Variants in BMPER observed in about 807,000 individuals in gnomAD.
BMPER encodes the protein BMP-binding endothelial regulator protein.
A neutral mutation model predicts 87.3 loss-of-function variants in BMPER; 45 were observed. The observed-to-expected ratio is 0.52, with a 90% CI of 0.41 to 0.66. BMPER has a LOEUF of 0.66. Ranked by LOEUF, BMPER falls within the 30% of genes least tolerant of loss-of-function variation. BMPER has a pLI of 0.00. For synonymous variants in BMPER, 326 were observed against 316.2 expected (o/e 1.03, Z -0.33); for missense variants, 784 against 867.5 (o/e 0.90, Z 1.21).
chr7:34,056,563 C>A (rs912834767), intron 9 of BMPER, among the ~76,000 whole-genome samples: 1 of 151,888 alleles, frequency 6.6e-6, no homozygotes, highest in Non-Finnish European at 1.5e-5. Flanking sequence ...CTCCAGAACA[C>A]CCAGATGAAA....
chr7:33,905,911 G>A (rs1170033194), intron 1 of BMPER, among the ~76,000 whole-genome samples, 165 bp downstream of exon 1: 1 of 152,236 alleles, frequency 6.6e-6, no homozygotes, highest in Non-Finnish European at 1.5e-5. Context: ...GGGCTGGGAA[G>A]GCTGGTGAAG....
intron 12 of BMPER, among the ~76,000 whole-genome samples, chr7:34,083,507 T>C (rs1357379101): frequency 6.6e-6 from 1 of 152,252 alleles, no homozygotes; most frequent in Non-Finnish European, 1.5e-5. Flanking sequence ...CCATTGACCA[T>C]ACAGTGATTT....
At chr7:33,978,436 G>C (rs1785750583) in intron 6 of BMPER, among the ~76,000 whole-genome samples, 2 of 152,220 alleles carry the variant, frequency 1.3e-5, no homozygotes, top group African/African-American at 4.8e-5. Flanking sequence ...TGTGACCAGA[G>C]CTTAGTCTTG....
intron 2 of BMPER, among the ~76,000 whole-genome samples, chr7:33,928,553 C>CCCTG (rs1784412421): frequency 6.7e-6 from 1 of 150,024 alleles, no homozygotes; most frequent in Non-Finnish European, 1.5e-5. Context: ...TTTGACACTG[C>CCCTG]CCTGTTTTAA....
chr7:34,056,429 C>T (rs1024806), intron 9 of BMPER, among the ~76,000 whole-genome samples: 146,464 of 152,152 alleles, frequency 0.96, 70,742 homozygotes, highest in East Asian at 1. Flanking sequence ...GAGAAAACAA[C>T]TGAGGACAAA....
chr7:33,943,307 C>G (rs1481777559), intron 3 of BMPER, among the ~76,000 whole-genome samples: 2 of 151,982 alleles, frequency 1.3e-5, no homozygotes, highest in African/African-American at 2.4e-5. Context: ...TTTGCTTTGG[C>G]CAAACTGCCC....
chr7:33,909,014 T>A (rs1300803105), intron 2 of BMPER, among the ~76,000 whole-genome samples: 1 of 152,196 alleles, frequency 6.6e-6, no homozygotes, highest in African/African-American at 2.4e-5. Context: ...CTACTTGGCA[T>A]TTTTGTACCT....
intron 6 of BMPER, among the ~76,000 whole-genome samples, chr7:34,003,180 TACAC>T (rs568097275): frequency 2.0e-5 from 3 of 151,438 alleles, no homozygotes; most frequent in Non-Finnish European, 4.4e-5. Flanking sequence ...TAAATGTGTG[TACAC>T]ACACACACAT....
At chr7:33,989,921 G>C (rs1273323991) in intron 6 of BMPER, among the ~76,000 whole-genome samples, 1 of 152,164 alleles carries the variant, frequency 6.6e-6, no homozygotes. Context: ...AGATCAGATA[G>C]TTGTAGATAT....
chr7:33,909,099 T>G (rs2128600912), intron 2 of BMPER, among the ~76,000 whole-genome samples: 1 of 152,324 alleles, frequency 6.6e-6, no homozygotes, highest in African/African-American at 2.4e-5. Flanking sequence ...TATTTTTATT[T>G]TATTTTATTT....
At chr7:34,083,333 C>T (rs868579970) in intron 12 of BMPER, among the ~76,000 whole-genome samples, 8 of 152,148 alleles carry the variant, frequency 5.3e-5, no homozygotes, top group African/African-American at 1.9e-4. Context: ...CATACCTGGT[C>T]CCATCACTGT....
intron 13 of BMPER, among the ~76,000 whole-genome samples, chr7:34,121,900 C>T (rs6462532): frequency 0.76 from 116,001 of 151,840 alleles, 44,916 homozygotes; most frequent in East Asian, 0.95. Flanking sequence ...GGCAGGAGTA[C>T]TGCTTGAACC....
At chr7:33,905,517 A>C, upstream of BMPER, 1 of 1,313,234 alleles carries the variant, frequency 7.6e-7, no homozygotes, top group South Asian at 1.2e-5. Flanking sequence ...GTCTCCCGAC[A>C]CGCCGGCTGA....
chr7:34,024,374 AAAAAAAAACAATATATAT>A (rs1787285741), intron 6 of BMPER, among the ~76,000 whole-genome samples: 1 of 91,218 alleles, frequency 1.1e-5, no homozygotes, highest in African/African-American at 5.3e-5. Context: ...AAAAAAAAAA[AAAAAAAAACAATATATAT>A]ATATATATAT....
intron 6 of BMPER, among the ~76,000 whole-genome samples, chr7:34,038,888 G>A (rs79415932): frequency 0.078 from 11,809 of 152,168 alleles, 608 homozygotes; most frequent in South Asian, 0.19. Context: ...AGGTTTTGGG[G>A]GTCAGAAAGC....
chr7:34,120,037 A>T (rs1048076049), intron 13 of BMPER, among the ~76,000 whole-genome samples: 4 of 152,330 alleles, frequency 2.6e-5, no homozygotes, highest in African/African-American at 4.8e-5. Flanking sequence ...AATAACATTG[A>T]CTTCACATTT....
At position 34,064,957 on chromosome 7, in the gene BMPER, A is replaced by G. The variant is rs965116243; in HGVS notation, c.1078+2910A>G. Among the ~76,000 whole-genome samples, 32 of 152,110 alleles carry G rather than the reference A, an allele frequency of 2.1e-4. No individual in the cohort carries two copies. In the East Asian group the frequency reaches 6.2e-3, roughly 29 times the overall value. The stretch of plus-strand genomic sequence containing the variant: ...GATGTCCTTTAGCTGTGGCTTCGAG[A>G]CCTCCTACTTTGAAATTTCTTTGTC... On this transcript the variant is annotated intron_variant, in intron 11 of 14. Coordinates refer to ENST00000649409, the MANE Select transcript of BMPER (RefSeq NM_001365308.1).
At chr7:34,129,573 GGAAGGAGAGAGA>G (rs1359520243) in intron 13 of BMPER, among the ~76,000 whole-genome samples, 3 of 63,984 alleles carry the variant, frequency 4.7e-5, no homozygotes, top group African/African-American at 2.2e-4. Flanking sequence ...AAGGAAGGAA[GGAAGGAGAGAGA>G]GAGAGAGAGA....
chr7:34,059,575 CAG>C (rs1788378676), intron 10 of BMPER, among the ~76,000 whole-genome samples: 1 of 149,464 alleles, frequency 6.7e-6, no homozygotes, highest in Middle Eastern at 3.2e-3. Flanking sequence ...GCCCCGGCCT[CAG>C]GGGCCACCTT....
Sources: allele counts gnomAD v4.1 joint callset (sites outside exome capture counted in the v4.1 genomes callset), GRCh38; gene constraint gnomAD v4.1.1; transcripts MANE v1.5; gene names NCBI Gene and HGNC (gene_info 2026-07-23, HGNC 2026-07-21).